ZNF438: variants seen among roughly 807,000 people sequenced by gnomAD.
The protein encoded by ZNF438 is zinc finger protein 438.
A neutral mutation model predicts 38.0 loss-of-function variants in ZNF438; 25 were observed. That is an observed-to-expected ratio of 0.66 (90% CI 0.48 to 0.92). The LOEUF (loss-of-function observed/expected upper bound fraction) is 0.92, where lower values mean the gene tolerates loss of function less well. Ranked by LOEUF, ZNF438 falls within the 40% of genes least tolerant of loss-of-function variation. The probability of loss-of-function intolerance (pLI) is 0.00; values close to 1 mark genes in which losing one functional copy is unlikely to be tolerated. For synonymous variants in ZNF438, 372 were observed against 364.1 expected (o/e 1.02, Z -0.25); for missense variants, 1,007 against 999.6 (o/e 1.01, Z -0.10).
chr10:30,891,595 T>C (rs1419668259), intron 3 of ZNF438, among the ~76,000 whole-genome samples: 1 of 152,144 alleles, frequency 6.6e-6, no homozygotes, highest in African/African-American at 2.4e-5. Flanking sequence ...TTATCTAACA[T>C]CAGGTTTGGG....
chr10:30,912,668 T>C (rs79913559), intron 2 of ZNF438, among the ~76,000 whole-genome samples: 2 of 152,146 alleles, frequency 1.3e-5, no homozygotes, highest in South Asian at 2.1e-4. Context: ...TAGATTTAAA[T>C]CCTGTTTCTT....
At chr10:30,989,610 T>A (rs74134343) in intron 1 of ZNF438, among the ~76,000 whole-genome samples, 4,535 of 152,262 alleles carry the variant, frequency 0.03, 215 homozygotes, top group African/African-American at 0.1. Context: ...TCAGAAGACA[T>A]CTCCAGTCCT....
chr10:30,943,949 T>TA (rs1318774847), intron 1 of ZNF438, among the ~76,000 whole-genome samples: 1 of 152,040 alleles, frequency 6.6e-6, no homozygotes, highest in Non-Finnish European at 1.5e-5. Context: ...GGAAAAGAGT[T>TA]ATGAGAGAAG....
intron 2 of ZNF438, among the ~76,000 whole-genome samples, chr10:30,909,910 G>T (rs891997343): frequency 6.6e-6 from 1 of 152,162 alleles, no homozygotes; most frequent in Non-Finnish European, 1.5e-5. Context: ...CACAAGTAGG[G>T]TACATAGAGT....
At chr10:30,871,878 C>G (rs1286293389) in intron 4 of ZNF438, among the ~76,000 whole-genome samples, 11 of 152,180 alleles carry the variant, frequency 7.2e-5, no homozygotes, top group African/African-American at 2.7e-4. Flanking sequence ...CCAGAGGGGG[C>G]CGCCTGTGTG....
intron 4 of ZNF438, among the ~76,000 whole-genome samples, chr10:30,859,822 T>A (rs1454461020): frequency 6.6e-6 from 1 of 152,184 alleles, no homozygotes; most frequent in Non-Finnish European, 1.5e-5. Flanking sequence ...AAGGCACAAA[T>A]CTTGAATGAT....
intron 1 of ZNF438, among the ~76,000 whole-genome samples, chr10:30,982,905 A>G (rs572608483): frequency 3.7e-4 from 57 of 152,318 alleles, no homozygotes; most frequent in African/African-American, 1.3e-3. Context: ...ACAGAAATGG[A>G]TATGTAAGAA....
upstream of ZNF438, among the ~76,000 whole-genome samples, chr10:31,032,120 C>T (rs535096428): frequency 1.3e-4 from 20 of 152,350 alleles, no homozygotes; most frequent in Admixed American, 7.8e-4. Context: ...CACTCAAAGC[C>T]TGAAGTCGGG....
At chr10:30,929,745 C>A (rs1337898290) in intron 2 of ZNF438, among the ~76,000 whole-genome samples, 3 of 152,176 alleles carry the variant, frequency 2.0e-5, no homozygotes, top group Non-Finnish European at 4.4e-5. Context: ...AATCCCTGAG[C>A]TAGACACAGA....
chr10:30,995,777 A>C (rs1359690987), intron 1 of ZNF438, among the ~76,000 whole-genome samples: 1 of 152,196 alleles, frequency 6.6e-6, no homozygotes, highest in East Asian at 1.9e-4. Context: ...CGGGAGTAAG[A>C]AAATGACCCC....
intron 2 of ZNF438, among the ~76,000 whole-genome samples, chr10:30,922,511 T>A (rs1245772497): frequency 1.3e-5 from 2 of 152,234 alleles, no homozygotes; most frequent in East Asian, 3.8e-4. Context: ...AAGGTTTTGA[T>A]AAAAATATAT....
At chr10:31,029,121 C>T (rs1247070242) in intron 1 of ZNF438, among the ~76,000 whole-genome samples, 1 of 152,218 alleles carries the variant, frequency 6.6e-6, no homozygotes, top group African/African-American at 2.4e-5. Flanking sequence ...AGCCACAATG[C>T]TTAGGTTTGA....
intron 4 of ZNF438, among the ~76,000 whole-genome samples, 194 bp from the exon 6 acceptor site, chr10:30,850,561 T>C (rs1485623670): frequency 6.6e-6 from 1 of 152,228 alleles, no homozygotes; most frequent in Non-Finnish European, 1.5e-5. Context: ...AGGATTTCTA[T>C]ACTTATCTAT....
intron 4 of ZNF438, among the ~76,000 whole-genome samples, chr10:30,855,725 G>C (rs2034506055): frequency 2.0e-5 from 3 of 152,198 alleles, no homozygotes; most frequent in Admixed American, 2.0e-4. Context: ...TAAAAACAAA[G>C]AATGAATCAG....
At chr10:31,009,757 G>C (rs2055488134) in intron 1 of ZNF438, among the ~76,000 whole-genome samples, 1 of 151,780 alleles carries the variant, frequency 6.6e-6, no homozygotes, top group Admixed American at 6.6e-5. Flanking sequence ...TAAATGCAAA[G>C]CATCAAACTT....
At chr10:30,949,297 T>G (rs1180413188) in intron 1 of ZNF438, among the ~76,000 whole-genome samples, 2 of 152,090 alleles carry the variant, frequency 1.3e-5, no homozygotes, top group African/African-American at 4.8e-5. Context: ...TGCAAAATCA[T>G]GCCAAAATGT....
intron 1 of ZNF438, among the ~76,000 whole-genome samples, chr10:30,956,506 T>C (rs1209823599): frequency 6.6e-6 from 1 of 152,174 alleles, no homozygotes; most frequent in African/African-American, 2.4e-5. Context: ...CACCAGAACT[T>C]ATTCCTCCTA....
intron 1 of ZNF438, among the ~76,000 whole-genome samples, chr10:30,977,810 C>T (rs1012646704): frequency 6.6e-6 from 1 of 151,838 alleles, no homozygotes; most frequent in Non-Finnish European, 1.5e-5. Context: ...TGGTGAAACC[C>T]CATTTCTACT....
intron 1 of ZNF438, among the ~76,000 whole-genome samples, chr10:30,961,495 T>C (rs1052828892): frequency 1.4e-5 from 2 of 146,258 alleles, no homozygotes; most frequent in African/African-American, 4.9e-5. Context: ...CTACCAGCTT[T>C]AATGTTCTTT....
Sources: allele counts gnomAD v4.1 joint callset (sites outside exome capture counted in the v4.1 genomes callset), GRCh38; gene constraint gnomAD v4.1.1; transcripts MANE v1.5; gene names NCBI Gene and HGNC (gene_info 2026-07-23, HGNC 2026-07-21).